The following TACC1 variants were observed in gnomAD, a reference collection of about 807,000 sequenced individuals.
TACC1 encodes the protein transforming acidic coiled-coil-containing protein 1.
In TACC1, 48 loss-of-function variants were observed where a neutral mutation model predicts 84.4. The ratio of observed to expected loss-of-function variants is 0.57; its 90% CI spans 0.45 to 0.72. TACC1 has a LOEUF of 0.72. TACC1 is among the 30% of genes least tolerant of loss of function. TACC1 has a pLI of 0.00. For synonymous variants in TACC1, 372 were observed against 376.3 expected (o/e 0.99, Z 0.13); for missense variants, 920 against 973.0 (o/e 0.95, Z 0.72).
Position 38,839,371 on chromosome 8 carries a change from G to A in TACC1, c.1916+825G>A, listed in dbSNP as rs149106891. 2.1e-3 allele frequency: 842 copies of A among 394,780 alleles called. 2 individuals carry two copies. Among genetic ancestry groups the A allele is most frequent in the African/African-American group, 0.015 (712 of 48,706 alleles). 24.5% of individuals were successfully genotyped at this position (394,780 alleles called of 1,614,324 possible). A position where few individuals can be genotyped will look rare whatever the true frequency, so the allele number is the denominator to read the frequency against. ...TGAAATGACTAAAGATGAAATCAAA[G>A]TAGAGAAGAAAAAAAGGCATAAATA... is the stretch of plus-strand genomic sequence containing the variant. On this transcript the variant is annotated intron_variant, in intron 8 of 12. Transcript: ENST00000317827.
intron 5 of TACC1, among the ~76,000 whole-genome samples, chr8:38,828,722 G>A (rs1358717576): frequency 6.6e-5 from 10 of 152,190 alleles, no homozygotes; most frequent in African/African-American, 1.9e-4. Context: ...GGGCAGGAGA[G>A]GGGCCGAGAG....
chr8:38,819,435 C>A, intron 2 of TACC1, 87 bp from the exon 3 acceptor site: 1 of 1,405,602 alleles, frequency 7.1e-7, no homozygotes, highest in Non-Finnish European at 9.5e-7. Context: ...GAAGAACTTG[C>A]TATTTGTTTA....
intron 2 of TACC1, among the ~76,000 whole-genome samples, chr8:38,813,486 A>C (rs969989325): frequency 1.3e-5 from 2 of 152,120 alleles, no homozygotes; most frequent in African/African-American, 4.8e-5. Context: ...CCCTCAGTGC[A>C]TTTTACTCAA....
chr8:38,735,116 C>T (rs974324500), intron 1 of TACC1, among the ~76,000 whole-genome samples: 8 of 152,318 alleles, frequency 5.3e-5, no homozygotes, highest in African/African-American at 9.6e-5. Flanking sequence ...ACTTGAGGCA[C>T]GCATCAGCAG....
chr8:38,736,410 T>G (rs1021788187), intron 1 of TACC1, among the ~76,000 whole-genome samples: 26 of 150,574 alleles, frequency 1.7e-4, no homozygotes, highest in Non-Finnish European at 3.3e-4. Flanking sequence ...AGCCCAGGAG[T>G]TCAAGATTAG....
intron 3 of TACC1, chr8:38,757,239 T>A: frequency 7.3e-6 from 1 of 136,108 alleles, no homozygotes; most frequent in Non-Finnish European, 1.2e-5. Context: ...GCCCCACCCT[T>A]CCTCCCGCCC....
upstream of TACC1, chr8:38,787,224 G>GCCGGGAGGCGGGAGT (rs1817403649): frequency 4.0e-6 from 4 of 1,000,048 alleles, no homozygotes; most frequent in Non-Finnish European, 4.8e-6. Flanking sequence ...CGCCCCGCCG[G>GCCGGGAGGCGGGAGT]CCGGGAGGCG....
In TACC1 at chr8:38,787,241, C is replaced by T. The variant is rs1471297970; in HGVS notation, c.-342C>T. 36 of 1,015,316 alleles carry T rather than the reference C, an allele frequency of 3.5e-5. No individual in the cohort carries two copies. Among genetic ancestry groups the T allele is most frequent in the Non-Finnish European group, 4.2e-5 (36 of 850,206 alleles). 62.9% of individuals were successfully genotyped at this position (1,015,316 alleles called of 1,614,324 possible). ...CCCCGCCGGCCGGGAGGCGGGAGTC[C>T]GCGAGCCGGGAGCGGGAGCAGCAGA... On this transcript the variant is annotated 5_prime_UTR_variant, in exon 1 of 13. Transcript: ENST00000317827.
intron 3 of TACC1, among the ~76,000 whole-genome samples, chr8:38,766,930 T>C (rs1587431700): frequency 6.6e-6 from 1 of 152,328 alleles, no homozygotes; most frequent in East Asian, 1.9e-4. Context: ...AAGGAGTTTT[T>C]ATGGCTATTT....
intron 2 of TACC1, among the ~76,000 whole-genome samples, chr8:38,812,039 C>T (rs571078110): frequency 3.4e-4 from 52 of 152,204 alleles, no homozygotes; most frequent in South Asian, 6.2e-4. Context: ...GACTGAAATA[C>T]GCTGTGGTCT....
chr8:38,827,077 G>C, intron 4 of TACC1, 91 bp from the exon 5 acceptor site: 1 of 1,096,498 alleles, frequency 9.1e-7, no homozygotes, highest in Non-Finnish European at 1.3e-6. Context: ...TCTGTATGGA[G>C]TTGTGTCTAC....
intron 7 of TACC1, among the ~76,000 whole-genome samples, chr8:38,836,644 T>A (rs1329518760): frequency 1.3e-5 from 2 of 152,226 alleles, no homozygotes; most frequent in Non-Finnish European, 2.9e-5. Context: ...ACATTTGTAA[T>A]TTTTTTGCAG....
At chr8:38,734,308 T>G (rs1235917953) in intron 1 of TACC1, among the ~76,000 whole-genome samples, 1 of 152,162 alleles carries the variant, frequency 6.6e-6, no homozygotes, top group African/African-American at 2.4e-5. Context: ...TTCTCCTGCC[T>G]CAGCCTCCTG....
intron 8 of TACC1, among the ~76,000 whole-genome samples, chr8:38,838,884 C>T (rs1300721427): frequency 6.6e-6 from 1 of 151,886 alleles, no homozygotes; most frequent in Non-Finnish European, 1.5e-5. Context: ...GATAGAGACA[C>T]TGAAATTCAT....
In TACC1 at chr8:38,787,737, G is replaced by A. The variant is rs1202901756; in HGVS notation, c.155G>A (p.Ser52Asn). 1.9e-6 allele frequency: 3 copies of A among 1,540,388 alleles called. No homozygotes were observed. The highest frequency in any genetic ancestry group is 5.0e-5 in the East Asian group (2 of 40,378). ...TCGCAAGCCGAGACCAAATCCTTGA[G>A]TTTCAGGCAAGTACACGGCGTCCCC... is the stretch of plus-strand genomic sequence containing the variant. Reference protein sequence around the residue: ...EDSQAETKSLSFSSDSEGNFE... With the variant: ...EDSQAETKSLNFSSDSEGNFE... Residue 52 changes from serine (S) to asparagine (N), a missense_variant, in exon 1 of 13, where the codon AGT becomes AAT. Coordinates refer to ENST00000317827, the MANE Select transcript of TACC1 (RefSeq NM_006283.3).
intron 2 of TACC1, among the ~76,000 whole-genome samples, chr8:38,796,621 A>G (rs185606161): frequency 9.2e-5 from 14 of 152,378 alleles, no homozygotes; most frequent in African/African-American, 2.6e-4. Context: ...TCATCACTGG[A>G]TAAGTGCAGT....
intron 2 of TACC1, among the ~76,000 whole-genome samples, chr8:38,817,317 CAAT>C (rs1825652839): frequency 6.6e-6 from 1 of 152,194 alleles, no homozygotes; most frequent in Non-Finnish European, 1.5e-5. Flanking sequence ...CACAAAGAAA[CAAT>C]AACACATTTA....
chr8:38,770,611 G>C (rs1813409894), intron 3 of TACC1, among the ~76,000 whole-genome samples: 1 of 152,182 alleles, frequency 6.6e-6, no homozygotes, highest in Non-Finnish European at 1.5e-5. Flanking sequence ...CAGTGCCCTT[G>C]GAGTGCCCTG....
At chr8:38,760,248 A>G (rs1810953787) in intron 3 of TACC1, among the ~76,000 whole-genome samples, 1 of 152,262 alleles carries the variant, frequency 6.6e-6, no homozygotes, top group South Asian at 2.1e-4. Context: ...GTCTGATTTT[A>G]AGATACAATT....
Sources: gnomAD v4.1 joint callset for allele counts (sites outside exome capture counted in the v4.1 genomes callset) on GRCh38, gnomAD v4.1.1 for gene constraint, MANE v1.5 for transcripts, NCBI Gene and HGNC (gene_info 2026-07-23, HGNC 2026-07-21) for gene names.